KTN1: variants seen among roughly 807,000 people sequenced by gnomAD.
The protein encoded by KTN1 is kinectin 1.
A neutral mutation model predicts 222.5 loss-of-function variants in KTN1; 130 were observed. That is an observed-to-expected ratio of 0.58 (90% confidence interval 0.51 to 0.68). The LOEUF (loss-of-function observed/expected upper bound fraction) is 0.68, where lower values mean the gene tolerates loss of function less well. Ranked by LOEUF, KTN1 falls within the 30% of genes least tolerant of loss-of-function variation. The probability of loss-of-function intolerance (pLI) is 0.00; values close to 1 mark genes in which losing one functional copy is unlikely to be tolerated. For synonymous variants in KTN1, 512 were observed against 496.3 expected (o/e 1.03, Z -0.42); for missense variants, 1,508 against 1,500.4 (o/e 1.01, Z -0.08).
intron 1 of KTN1, among the ~76,000 whole-genome samples, chr14:55,594,552 G>A (rs2034705619): frequency 7.0e-6 from 1 of 142,038 alleles, no homozygotes; most frequent in Admixed American, 7.1e-5. Context: ...ATTGTTGTGT[G>A]AAATATTTTT....
intron 21 of KTN1, among the ~76,000 whole-genome samples, chr14:55,649,399 C>G (rs995088422): frequency 1.3e-5 from 2 of 152,152 alleles, no homozygotes; most frequent in African/African-American, 2.4e-5. Context: ...AGATAGGGTG[C>G]CATTGCCTCT....
chr14:55,651,788 G>T, intron 24 of KTN1, 102 bp from the exon 25 acceptor site: 1 of 727,854 alleles, frequency 1.4e-6, no homozygotes, highest in Non-Finnish European at 2.3e-6. Context: ...AATTCAGCTA[G>T]TTTCTTTGTA....
chr14:55,586,044 C>T (rs184265114), intron 1 of KTN1, among the ~76,000 whole-genome samples: 489 of 152,254 alleles, frequency 3.2e-3, no homozygotes, highest in Middle Eastern at 0.02. Flanking sequence ...AATTATTATT[C>T]TTATGCATGA....
intron 42 of KTN1, 65 bp from the exon 43 acceptor site, chr14:55,679,500 T>G: frequency 7.5e-7 from 1 of 1,329,152 alleles, no homozygotes; most frequent in Non-Finnish European, 1.0e-6. Context: ...ACATTTTCTG[T>G]TGTTTGGTTT....
intron 42 of KTN1, 102 bp from the exon 43 acceptor site, chr14:55,679,463 A>T: frequency 2.2e-6 from 2 of 922,994 alleles, no homozygotes; most frequent in Non-Finnish European, 1.6e-6. Flanking sequence ...CAGATTTTTT[A>T]ATGTTTGTGT....
chr14:55,637,715 T>A, intron 11 of KTN1, 64 bp from the exon 12 acceptor site: 1 of 1,122,554 alleles, frequency 8.9e-7, no homozygotes, highest in Non-Finnish European at 1.3e-6. Flanking sequence ...TAATACATTG[T>A]GTTCATATAC....
intron 1 of KTN1, among the ~76,000 whole-genome samples, chr14:55,605,370 C>G (rs2036576125): frequency 6.6e-6 from 1 of 152,242 alleles, no homozygotes; most frequent in Non-Finnish European, 1.5e-5. Context: ...TCTGCTGCCT[C>G]TTGTTCATGA....
At chr14:55,653,508 C>T (rs1336733225) in intron 27 of KTN1, 51 bp from the exon 28 acceptor site, 1 of 1,425,530 alleles carries the variant, frequency 7.0e-7, no homozygotes, top group East Asian at 2.3e-5. Context: ...TTAGCACCTA[C>T]AACATAACAT....
Position 55,647,000 on chromosome 14 carries a change from GA to G in KTN1, c.2205del (p.Lys735AsnfsTer10). The stretch of plus-strand genomic sequence containing the variant: ...TAATAAGGATGTTGTGGAACAAATG[GA>G]AAAATGGTAAGAGTTTAGTTTTCTT... ...QPNKDVVEQM[E>X]KCIQEKDEKL... On this transcript the variant is annotated frameshift_variant, in exon 19 of 44. Transcript: ENST00000395314. LOFTEE classifies it high-confidence loss of function. The G allele has an allele frequency of 4.6e-6, 7 of 1,529,874 alleles. No homozygotes were observed. Among genetic ancestry groups the G allele is most frequent in the Non-Finnish European group, 6.3e-6 (7 of 1,106,932 alleles). The allele number at this position is 1,529,874 out of a possible 1,614,324, so 94.8% of individuals were successfully genotyped here.
At chr14:55,636,723 CT>C in intron 10 of KTN1, among the ~76,000 whole-genome samples, 187 bp downstream of exon 10, 1 of 152,030 alleles carries the variant, frequency 6.6e-6, no homozygotes, top group Non-Finnish European at 1.5e-5. Flanking sequence ...TACCTACTAG[CT>C]TTGCCTGAAG....
At chr14:55,622,004 A>C (rs927654106) in intron 5 of KTN1, among the ~76,000 whole-genome samples, 3 of 151,832 alleles carry the variant, frequency 2.0e-5, no homozygotes, top group Admixed American at 1.3e-4. Flanking sequence ...ATGCACCACC[A>C]TGCCTGGCTA....
At chr14:55,678,299 T>G (rs759928263) in intron 41 of KTN1, 53 bp from the exon 42 acceptor site, 1 of 986,228 alleles carries the variant, frequency 1.0e-6, no homozygotes, top group Non-Finnish European at 1.6e-6. Flanking sequence ...ATTCATTTTT[T>G]ATGTATTTAT....
intron 20 of KTN1, 141 bp from the exon 21 acceptor site, chr14:55,648,661 T>G: frequency 1.5e-6 from 1 of 668,224 alleles, no homozygotes; most frequent in South Asian, 1.7e-5. Context: ...TACAGAATTA[T>G]AGACATGGAA....
intron 43 of KTN1, chr14:55,683,768 G>A (rs1458737317): frequency 4.1e-6 from 1 of 242,676 alleles, no homozygotes; most frequent in African/African-American, 2.2e-5. Flanking sequence ...GGGTAAGGTT[G>A]TATTCAACCC....
intron 3 of KTN1, 121 bp from the exon 4 acceptor site, chr14:55,617,843 C>A (rs1192131535): frequency 1.4e-6 from 1 of 718,432 alleles, no homozygotes; most frequent in Admixed American, 3.0e-5. Context: ...GAATTTAAAA[C>A]CAATTTGAGC....
intron 13 of KTN1, 140 bp downstream of exon 13, chr14:55,639,362 C>G: frequency 2.8e-6 from 1 of 351,148 alleles, no homozygotes. Context: ...GCAACTTTTG[C>G]TTTTTTTTTT....
At chr14:55,629,643 C>T (rs987375725) in intron 6 of KTN1, among the ~76,000 whole-genome samples, 1 of 151,978 alleles carries the variant, frequency 6.6e-6, no homozygotes, top group Non-Finnish European at 1.5e-5. Context: ...AATGTTCTTT[C>T]GTGTAATCAA....
chr14:55,632,464 T>C (rs1418487762), intron 7 of KTN1, among the ~76,000 whole-genome samples: 1 of 152,210 alleles, frequency 6.6e-6, no homozygotes, highest in Non-Finnish European at 1.5e-5. Flanking sequence ...CCTTTATCTT[T>C]AGATTCTTTA....
chr14:55,640,242 G>T, intron 14 of KTN1, 132 bp from the exon 15 acceptor site: 1 of 686,992 alleles, frequency 1.5e-6, no homozygotes, highest in Non-Finnish European at 2.5e-6. Context: ...ACAGGAATTG[G>T]TGGTTTCTCT....
Sources: gnomAD v4.1 joint callset for allele counts (sites outside exome capture counted in the v4.1 genomes callset) on GRCh38, gnomAD v4.1.1 for gene constraint, MANE v1.5 for transcripts, NCBI Gene and HGNC (gene_info 2026-07-23, HGNC 2026-07-21) for gene names.